PIK3C2G: variants seen among roughly 807,000 people sequenced by gnomAD.
The protein encoded by PIK3C2G is phosphatidylinositol 3-kinase C2 domain-containing subunit gamma.
In PIK3C2G, 168 loss-of-function variants were observed where a neutral mutation model predicts 181.1. The ratio of observed to expected loss-of-function variants is 0.93; its 90% CI spans 0.82 to 1.05. The LOEUF (loss-of-function observed/expected upper bound fraction) is 1.05. Ranked by LOEUF, PIK3C2G falls within the 50% of genes least tolerant of loss-of-function variation. The pLI is 0.00. For missense variants in PIK3C2G, 1,869 were observed against 1,732.8 expected, an observed-to-expected ratio of 1.08 and a Z score of -1.40; for synonymous variants, 573 against 592.2, an observed-to-expected ratio of 0.97 and a Z score of 0.47.
intron 26 of PIK3C2G, among the ~76,000 whole-genome samples, chr12:18,550,913 G>C (rs957533922): frequency 1.3e-5 from 2 of 151,998 alleles, no homozygotes; most frequent in East Asian, 3.9e-4. Context: ...TTTGAGACTT[G>C]AAAGAAATAA....
chr12:18,291,066 C>T (rs1329199870), intron 4 of PIK3C2G, 54 bp downstream of exon 4: 10 of 1,050,250 alleles, frequency 9.5e-6, no homozygotes, highest in Middle Eastern at 2.1e-4. Flanking sequence ...GTATTGGCGA[C>T]GTAGCCTTGA....
chr12:18,313,834 A>G, intron 5 of PIK3C2G, 128 bp from the exon 6 acceptor site: 2 of 588,994 alleles, frequency 3.4e-6, no homozygotes, highest in Non-Finnish European at 3.0e-6. Flanking sequence ...ACACACGCAC[A>G]CACACGCACA....
chr12:18,580,403 A>G (rs1178338687), intron 29 of PIK3C2G, among the ~76,000 whole-genome samples: 8 of 152,190 alleles, frequency 5.3e-5, no homozygotes, highest in African/African-American at 1.9e-4. Context: ...ATCAAATGTC[A>G]AAATAAATCC....
At chr12:18,317,011 C>CTTTTTT (rs756099726) in intron 6 of PIK3C2G, among the ~76,000 whole-genome samples, 1 of 117,220 alleles carries the variant, frequency 8.5e-6, no homozygotes, top group African/African-American at 3.4e-5. Context: ...AGTCTTGATT[C>CTTTTTT]TTTTTTTTTT....
At chr12:18,280,624 A>G (rs1246683270) in intron 1 of PIK3C2G, among the ~76,000 whole-genome samples, 1 of 151,980 alleles carries the variant, frequency 6.6e-6, no homozygotes, top group African/African-American at 2.4e-5. Flanking sequence ...GTCGTTAAGG[A>G]ACTTCCAAGT....
intron 29 of PIK3C2G, among the ~76,000 whole-genome samples, chr12:18,575,098 A>G (rs11044199): frequency 0.11 from 17,354 of 152,092 alleles, 2,902 homozygotes; most frequent in African/African-American, 0.37. Flanking sequence ...TAGGGGTCCT[A>G]AGCACTGTTA....
chr12:18,721,413 T>C, the PIK3C2G span, among the ~76,000 whole-genome samples: 1 of 152,016 alleles, frequency 6.6e-6, no homozygotes. Flanking sequence ...CCTGGCTGTG[T>C]TGGAGAGTAT....
chr12:18,379,420 A>G (rs556668806), intron 13 of PIK3C2G, among the ~76,000 whole-genome samples: 34 of 151,740 alleles, frequency 2.2e-4, no homozygotes, highest in African/African-American at 8.2e-4. Context: ...TGTAAATGAC[A>G]AGTTAATGGG....
At chr12:18,602,029 A>C (rs1476908289) in intron 30 of PIK3C2G, among the ~76,000 whole-genome samples, 1 of 152,148 alleles carries the variant, frequency 6.6e-6, no homozygotes, top group Non-Finnish European at 1.5e-5. Flanking sequence ...TGGGGCTAGA[A>C]GCCTCCTGGC....
At chr12:18,555,248 T>A (rs563942376) in intron 26 of PIK3C2G, among the ~76,000 whole-genome samples, 1 of 152,326 alleles carries the variant, frequency 6.6e-6, no homozygotes, top group African/African-American at 2.4e-5. Flanking sequence ...TTGGTTCAAC[T>A]GCCAATGGCA....
At chr12:18,705,219 A>G in the PIK3C2G span, 1 of 1,613,666 alleles carries the variant, frequency 6.2e-7, no homozygotes, top group Non-Finnish European at 8.5e-7. Flanking sequence ...GAAAGCAAGG[A>G]CTCTCCAAAA....
At chr12:18,374,444 C>G (rs1294583799) in intron 13 of PIK3C2G, among the ~76,000 whole-genome samples, 1 of 151,988 alleles carries the variant, frequency 6.6e-6, no homozygotes, top group Non-Finnish European at 1.5e-5. Context: ...ATCCAAAAGA[C>G]CCTCAGTTAG....
chr12:18,400,871 A>G (rs920821070), intron 16 of PIK3C2G, among the ~76,000 whole-genome samples: 1 of 151,934 alleles, frequency 6.6e-6, no homozygotes, highest in African/African-American at 2.4e-5. Context: ...TTCTTTATAT[A>G]TATAATGGAA....
At chr12:18,312,490 T>A (rs1281586741) in intron 5 of PIK3C2G, among the ~76,000 whole-genome samples, 3 of 151,244 alleles carry the variant, frequency 2.0e-5, no homozygotes, top group African/African-American at 7.3e-5. Context: ...GAAAAAAGAG[T>A]TGAGTAGAGG....
chr12:18,659,191 A>C, the PIK3C2G span, among the ~76,000 whole-genome samples: 26 of 152,148 alleles, frequency 1.7e-4, no homozygotes. Flanking sequence ...ATATAAAGGT[A>C]CTCAAAAACT....
At chr12:18,562,654 T>C in intron 26 of PIK3C2G, 49 bp from the exon 27 acceptor site, 1 of 1,075,840 alleles carries the variant, frequency 9.3e-7, no homozygotes, top group Non-Finnish European at 1.4e-6. Flanking sequence ...ATGAAATGAG[T>C]AGATGCAGAG....
intron 29 of PIK3C2G, among the ~76,000 whole-genome samples, chr12:18,584,461 C>T (rs1362133101): frequency 3.3e-5 from 5 of 152,042 alleles, no homozygotes; most frequent in Non-Finnish European, 5.9e-5. Context: ...AAGACTGGCT[C>T]TCTGAAATAA....
At chr12:18,343,711 T>G (rs1308135603) in intron 10 of PIK3C2G, among the ~76,000 whole-genome samples, 1 of 152,158 alleles carries the variant, frequency 6.6e-6, no homozygotes, top group African/African-American at 2.4e-5. Context: ...TATATTTTGA[T>G]GTAAGAAAAA....
intron 18 of PIK3C2G, among the ~76,000 whole-genome samples, chr12:18,448,284 TTTTTA>T (rs1947142857): frequency 1.3e-5 from 2 of 152,282 alleles, no homozygotes; most frequent in African/African-American, 4.8e-5. Context: ...TTTCTGTTTG[TTTTTA>T]TTTTATATGT....
Sources: allele counts gnomAD v4.1 joint callset (sites outside exome capture counted in the v4.1 genomes callset), GRCh38; gene constraint gnomAD v4.1.1; transcripts MANE v1.5; gene names NCBI Gene and HGNC (gene_info 2026-07-23, HGNC 2026-07-21).